The following INIP variants were observed in gnomAD, a reference collection of about 807,000 sequenced individuals.
The protein encoded by INIP is SOSS complex subunit C.
Under a neutral mutation model 14.0 loss-of-function variants are expected in INIP, and 9 were observed. The observed-to-expected ratio is 0.64, with a 90% CI of 0.39 to 1.12. The LOEUF is 1.12. INIP is among the 50% of genes most tolerant of loss of function. INIP has a pLI of 0.01. For missense variants in INIP, 78 were observed against 122.7 expected (o/e 0.64, Z 1.72); for synonymous variants, 37 against 41.5 (o/e 0.89, Z 0.41).
At chr9:112,703,017 G>A (rs1177664208) in intron 2 of INIP, among the ~76,000 whole-genome samples, 1 of 152,000 alleles carries the variant, frequency 6.6e-6, no homozygotes, top group Non-Finnish European at 1.5e-5. Flanking sequence ...AATACTGCAA[G>A]ATATCAGAAG....
chr9:112,709,251 T>C (rs10817374), intron 2 of INIP, among the ~76,000 whole-genome samples: 3,271 of 152,126 alleles, frequency 0.022, 107 homozygotes, highest in East Asian at 0.14. Flanking sequence ...TAATAACCAA[T>C]GTAGACGATT....
At chr9:112,700,639 G>A (rs2131298856) in intron 2 of INIP, among the ~76,000 whole-genome samples, 1 of 150,118 alleles carries the variant, frequency 6.7e-6, no homozygotes, top group East Asian at 1.9e-4. Context: ...GCCTATATTT[G>A]ACGATTTTCT....
chr9:112,706,566 T>C (rs1056645013), intron 2 of INIP, among the ~76,000 whole-genome samples: 2 of 152,078 alleles, frequency 1.3e-5, no homozygotes, highest in South Asian at 2.1e-4. Flanking sequence ...TAATTTTCTA[T>C]GGTAAGATTC....
intron 3 of INIP, among the ~76,000 whole-genome samples, chr9:112,690,219 G>C (rs778790549): frequency 6.6e-6 from 1 of 152,194 alleles, no homozygotes; most frequent in Non-Finnish European, 1.5e-5. Flanking sequence ...GGCCAGGCGT[G>C]GTGGCTCATG....
chr9:112,700,538 T>TATATATATATATATATA (rs112196431), intron 2 of INIP, among the ~76,000 whole-genome samples: 1 of 122,210 alleles, frequency 8.2e-6, no homozygotes, highest in African/African-American at 3.6e-5. Flanking sequence ...TATATATATA[T>TATATATATATATATATA]TATATATACC....
At chr9:112,705,269 T>C (rs1013904474) in intron 2 of INIP, among the ~76,000 whole-genome samples, 3 of 152,112 alleles carry the variant, frequency 2.0e-5, no homozygotes, top group African/African-American at 7.2e-5. Context: ...GTATTAAACA[T>C]AATTTAACTA....
rs747982227 is a variant in INIP at position 112,689,513 on chromosome 9, G to T, written c.219+14C>A. The T allele has an allele frequency of 4.3e-6, 7 of 1,610,918 alleles. No homozygotes were observed. In the African/African-American group the frequency reaches 9.4e-5, roughly 22 times the overall value. Reference sequence around the variant, plus strand: ...AACCTCCACCGAGGCAAGAATGTCAGTTACACTGCTCACCTGCAAAGCTGC... The same window carrying T: ...AACCTCCACCGAGGCAAGAATGTCATTTACACTGCTCACCTGCAAAGCTGC... On this transcript the variant is annotated intron_variant, in intron 4 of 4. Coordinates refer to ENST00000374242, the MANE Select transcript of INIP (RefSeq NM_021218.3).
chr9:112,705,110 C>CAAAAAA (rs1194911436), intron 2 of INIP, among the ~76,000 whole-genome samples: 5 of 46,002 alleles, frequency 1.1e-4, no homozygotes, highest in Admixed American at 2.8e-4. Flanking sequence ...GACCCTGTCT[C>CAAAAAA]AAAAAAAAAA....
Position 112,684,323 on chromosome 9 carries a change from C to G in INIP, c.*3215G>C, listed in dbSNP as rs1383807826. The G allele has an allele frequency of 2.0e-5, 3 of 151,762 alleles. No individual in the cohort carries two copies. The East Asian group carries it at 5.8e-4, about 29-fold the overall frequency. The allele number at this position is 151,762 out of a possible 1,614,324, so 9.4% of individuals were successfully genotyped here. ...GGCCAAGGTGGGAGGATCGAGAGGA[C>G]TGCTTGAGGCCAAGAGTTCAAGACC... On this transcript the variant is annotated 3_prime_UTR_variant, in exon 5 of 5. Transcript: ENST00000374242.
intron 2 of INIP, among the ~76,000 whole-genome samples, chr9:112,706,415 A>AT (rs1175688173): frequency 1.7e-4 from 26 of 150,436 alleles, no homozygotes; most frequent in Middle Eastern, 3.4e-3. Flanking sequence ...CACCTGGCTA[A>AT]TTTTTTTTTT....
At chr9:112,688,126 C>A (rs916558953) in intron 4 of INIP, among the ~76,000 whole-genome samples, 4 of 122,614 alleles carry the variant, frequency 3.3e-5, no homozygotes, top group African/African-American at 9.1e-5. Context: ...ATAAATAAAT[C>A]AGTTTTTCTG....
chr9:112,710,379 G>A (rs1838608995), intron 2 of INIP, among the ~76,000 whole-genome samples: 1 of 152,138 alleles, frequency 6.6e-6, no homozygotes, highest in African/African-American at 2.4e-5. Flanking sequence ...TATTTCACCA[G>A]GTCTCTCTAA....
intron 1 of INIP, among the ~76,000 whole-genome samples, chr9:112,717,012 G>T (rs1838846632): frequency 6.6e-6 from 1 of 151,626 alleles, no homozygotes. Flanking sequence ...AATGTACACA[G>T]ACTGAAACAA....
intron 2 of INIP, among the ~76,000 whole-genome samples, chr9:112,716,171 C>G (rs1208391947): frequency 6.6e-6 from 1 of 152,104 alleles, no homozygotes; most frequent in African/African-American, 2.4e-5. Context: ...CTCCTGGGTT[C>G]AAGAAATTCT....
chr9:112,717,291 C>G lies in INIP; in HGVS notation c.-57+696G>C, dbSNP rs977579117. On this transcript the variant is annotated intron_variant, in intron 1 of 4. Coordinates refer to ENST00000374242, the MANE Select transcript of INIP (RefSeq NM_021218.3). ...AAAAGGTAAAGGAGTACTGTATCTG[C>G]TCTGCACCATACACTGTGTAACATG... Among the ~76,000 whole-genome samples the G allele has an allele frequency of 5.9e-5, 9 of 152,168 alleles. No individual in the cohort carries two copies. The East Asian group carries it at 1.7e-3, about 29-fold the overall frequency.
chr9:112,691,535 G>T (rs900711421), intron 3 of INIP, among the ~76,000 whole-genome samples: 1 of 152,214 alleles, frequency 6.6e-6, no homozygotes, highest in Non-Finnish European at 1.5e-5. Context: ...AACAGCATGT[G>T]GGAAAAGATG....
At chr9:112,689,122 C>A (rs770766018) in intron 4 of INIP, among the ~76,000 whole-genome samples, 4 of 150,276 alleles carry the variant, frequency 2.7e-5, no homozygotes, top group African/African-American at 4.9e-5. Flanking sequence ...TTGTGCTGAG[C>A]ATTTAAAAAA....
chr9:112,710,348 G>C (rs1300650775), intron 2 of INIP, among the ~76,000 whole-genome samples: 1 of 152,028 alleles, frequency 6.6e-6, no homozygotes, highest in Non-Finnish European at 1.5e-5. Flanking sequence ...AAAAATAAAA[G>C]AATTCATGTT....
At chr9:112,715,935 T>A (rs2131321050) in intron 2 of INIP, among the ~76,000 whole-genome samples, 1 of 152,294 alleles carries the variant, frequency 6.6e-6, no homozygotes, top group East Asian at 1.9e-4. Context: ...AAGATGTCAC[T>A]TAGGCGATTG....
Sources: allele counts gnomAD v4.1 joint callset (sites outside exome capture counted in the v4.1 genomes callset), GRCh38; gene constraint gnomAD v4.1.1; transcripts MANE v1.5; gene names NCBI Gene and HGNC (gene_info 2026-07-23, HGNC 2026-07-21).